RYR2: variants seen among roughly 807,000 people sequenced by gnomAD.
RYR2 encodes the protein cardiac muscle ryanodine receptor-calcium release channel.
RYR2 carries 227 observed loss-of-function variants against 601.1 expected under a neutral mutation model. The observed-to-expected ratio is 0.38, with a 90% CI of 0.34 to 0.42. The LOEUF is 0.42. Ranked by LOEUF, RYR2 falls within the 10% of genes least tolerant of loss-of-function variation. The pLI, the probability that RYR2 is intolerant of heterozygous loss-of-function variation, is 1.00. For synonymous variants in RYR2, 2,223 were observed against 2,175.1 expected (o/e 1.02, Z -0.61); for missense variants, 4,646 against 6,156.5 (o/e 0.75, Z 8.21).
chr1:237,303,894 TA>T (rs1394152221), intron 2 of RYR2, among the ~76,000 whole-genome samples: 1 of 152,222 alleles, frequency 6.6e-6, no homozygotes, highest in Non-Finnish European at 1.5e-5. Context: ...TCCAACTGGA[TA>T]GTCCTAGTTA....
At chr1:237,296,238 G>A (rs1328738835) in intron 2 of RYR2, among the ~76,000 whole-genome samples, 1 of 152,136 alleles carries the variant, frequency 6.6e-6, no homozygotes, top group Non-Finnish European at 1.5e-5. Flanking sequence ...AGAGATAGTT[G>A]GGGGCTGATT....
intron 1 of RYR2, among the ~76,000 whole-genome samples, chr1:237,109,452 G>A (rs1669176952): frequency 6.6e-6 from 1 of 151,990 alleles, no homozygotes; most frequent in Admixed American, 6.6e-5. Flanking sequence ...GACATTAGCT[G>A]TCTGTTTTGG....
intron 76 of RYR2, among the ~76,000 whole-genome samples, chr1:237,729,559 C>T (rs77804894): frequency 6.6e-6 from 1 of 152,296 alleles, no homozygotes; most frequent in Middle Eastern, 3.4e-3. Context: ...GGCACCGTCT[C>T]TCATTCTATC....
chr1:237,480,137 G>C (rs1661871772), intron 17 of RYR2, among the ~76,000 whole-genome samples: 1 of 152,124 alleles, frequency 6.6e-6, no homozygotes. Flanking sequence ...AGGCATATCT[G>C]GCGGGGCATG....
intron 34 of RYR2, among the ~76,000 whole-genome samples, chr1:237,598,247 A>T (rs778881754): frequency 6.6e-6 from 1 of 152,240 alleles, no homozygotes; most frequent in African/African-American, 2.4e-5. Flanking sequence ...CAACAACAGC[A>T]GATAATCCAG....
intron 63 of RYR2, among the ~76,000 whole-genome samples, chr1:237,697,013 G>T (rs982046812): frequency 6.6e-6 from 1 of 151,730 alleles, no homozygotes; most frequent in African/African-American, 2.4e-5. Context: ...TCTTCCTACC[G>T]CACTGAAAAT....
At chr1:237,181,828 G>A (rs1257787750) in intron 1 of RYR2, among the ~76,000 whole-genome samples, 4 of 152,258 alleles carry the variant, frequency 2.6e-5, no homozygotes, top group South Asian at 2.1e-4. Flanking sequence ...AATGATGACC[G>A]AATTTTTTTC....
intron 1 of RYR2, among the ~76,000 whole-genome samples, chr1:237,110,961 A>G (rs1029830475): frequency 1.3e-5 from 2 of 152,198 alleles, no homozygotes; most frequent in Non-Finnish European, 2.9e-5. Flanking sequence ...GAATTCAATG[A>G]CATTTTCAAG....
intron 1 of RYR2, among the ~76,000 whole-genome samples, chr1:237,166,668 C>T (rs1035564479): frequency 6.6e-6 from 1 of 152,130 alleles, no homozygotes. Flanking sequence ...GAAAACAAAA[C>T]AGTTCTCTGG....
At chr1:237,139,591 A>G (rs964808583) in intron 1 of RYR2, among the ~76,000 whole-genome samples, 4 of 152,152 alleles carry the variant, frequency 2.6e-5, no homozygotes, top group Admixed American at 2.0e-4. Flanking sequence ...GGTAGAGAGG[A>G]AAGATCCTGT....
intron 97 of RYR2, among the ~76,000 whole-genome samples, chr1:237,799,099 T>G (rs543551228): frequency 6.6e-6 from 1 of 152,318 alleles, no homozygotes; most frequent in African/African-American, 2.4e-5. Flanking sequence ...ATCTGAAAAC[T>G]TATTAAGGTG....
intron 4 of RYR2, among the ~76,000 whole-genome samples, chr1:237,362,523 T>A (rs1699863330): frequency 6.6e-6 from 1 of 152,226 alleles, no homozygotes; most frequent in African/African-American, 2.4e-5. Flanking sequence ...TTTTTGTTGT[T>A]ATTCTTTTTC....
intron 2 of RYR2, among the ~76,000 whole-genome samples, chr1:237,298,069 A>G (rs1296244539): frequency 6.6e-6 from 1 of 151,878 alleles, no homozygotes. Context: ...ATAATGTTTA[A>G]AAATATTACA....
intron 2 of RYR2, among the ~76,000 whole-genome samples, chr1:237,285,269 G>C (rs1395464459): frequency 6.6e-6 from 1 of 152,088 alleles, no homozygotes; most frequent in African/African-American, 2.4e-5. Flanking sequence ...TGCTTTTTCT[G>C]CATCTATTGA....
chr1:237,472,116 T>C (rs4625270), intron 17 of RYR2, among the ~76,000 whole-genome samples: 73,864 of 152,044 alleles, frequency 0.49, 19,033 homozygotes, highest in East Asian at 0.71. Flanking sequence ...CTGTTTTTTC[T>C]CCAGAGGAAG....
chr1:237,276,502 T>C (rs1356264052), intron 2 of RYR2, among the ~76,000 whole-genome samples: 1 of 152,062 alleles, frequency 6.6e-6, no homozygotes, highest in Non-Finnish European at 1.5e-5. Flanking sequence ...AACAAAATGG[T>C]ATTAATAAAG....
At chr1:237,611,026 G>T (rs376898024) in intron 36 of RYR2, 38 bp downstream of exon 36, 2 of 1,564,876 alleles carry the variant, frequency 1.3e-6, no homozygotes, top group Admixed American at 3.6e-5. Context: ...TGATTGGGAC[G>T]CTTGGGATTA....
chr1:237,277,943 T>C (rs1163098401), intron 2 of RYR2, among the ~76,000 whole-genome samples: 1 of 152,236 alleles, frequency 6.6e-6, no homozygotes, highest in East Asian at 1.9e-4. Flanking sequence ...CTAATGTATT[T>C]ATTATGTTTT....
chr1:237,394,794 C>T (rs1702674785), intron 10 of RYR2, among the ~76,000 whole-genome samples: 1 of 152,166 alleles, frequency 6.6e-6, no homozygotes, highest in African/African-American at 2.4e-5. Context: ...TGTTCTCACA[C>T]TGCTATAAAG....
Sources: gnomAD v4.1 joint callset for allele counts (sites outside exome capture counted in the v4.1 genomes callset) on GRCh38, gnomAD v4.1.1 for gene constraint, MANE v1.5 for transcripts, NCBI Gene and HGNC (gene_info 2026-07-23, HGNC 2026-07-21) for gene names.